Variants in PHACTR2 observed in about 807,000 individuals in gnomAD.
PHACTR2 encodes phosphatase and actin regulator 2.
Under a neutral mutation model 76.0 loss-of-function variants are expected in PHACTR2, and 30 were observed. That is an observed-to-expected ratio of 0.39 (90% CI 0.30 to 0.54). The LOEUF (loss-of-function observed/expected upper bound fraction) is 0.54, where lower values mean the gene tolerates loss of function less well. Among genes scored for constraint, PHACTR2 ranks in the 20% least tolerant of loss-of-function variants. PHACTR2 has a pLI of 0.61. For synonymous variants in PHACTR2, 292 were observed against 292.5 expected, an observed-to-expected ratio of 1.00 and a Z score of 0.02; for missense variants, 696 against 781.1, an observed-to-expected ratio of 0.89 and a Z score of 1.30.
chr6:143,601,755 G>A (rs1440044092), intron 1 of PHACTR2, among the ~76,000 whole-genome samples: 1 of 152,102 alleles, frequency 6.6e-6, no homozygotes, highest in African/African-American at 2.4e-5. Flanking sequence ...CTTCTGCATT[G>A]TTACTGTAAG....
rs1416902125 is a variant in PHACTR2 at position 143,553,213 on chromosome 6, G to C, written c.217+16006G>C. Among the ~76,000 whole-genome samples the C allele has an allele frequency of 6.6e-6, 1 of 152,150 alleles. No homozygotes were observed. Among genetic ancestry groups the C allele is most frequent in the Non-Finnish European group, 1.5e-5 (1 of 68,022 alleles). On this transcript the variant is annotated intron_variant, in intron 1 of 11. Coordinates refer to the PHACTR2 transcript ENST00000367584. This position sits in a 1 kb window ranked among gnomAD's most constrained non-coding sequence, Gnocchi z 4.2. ...CTCATAGAGACTGCAGTATAGTGAG[G>C]GTGTCAAAGATAAAGCTGGAAACTA...
Position 143,671,470 on chromosome 6 carries a change from A to G in PHACTR2, c.14-40546A>G, listed in dbSNP as rs1777153097. On this transcript the variant is annotated intron_variant, in intron 1 of 11. Coordinates refer to the PHACTR2 transcript ENST00000305766. This position sits in a 1 kb window ranked among gnomAD's most constrained non-coding sequence, Gnocchi z 4.6. ...TTGCTTAAACATTATCTTCTCAGTG[A>G]GGACAACTGTGAACACCACATGCCA... 6.6e-6 allele frequency among the ~76,000 whole-genome samples: 1 copy of G among 152,202 alleles called. No homozygotes were observed. The highest frequency in any genetic ancestry group is 2.4e-5 in the African/African-American group (1 of 41,462).
rs542691883 is a variant in PHACTR2, at chr6:143,826,326, C to T, written c.*2637C>T. The T allele has an allele frequency of 6.6e-6, 1 of 152,248 alleles. No homozygotes were observed. The highest frequency in any genetic ancestry group is 1.5e-5 in the Non-Finnish European group (1 of 68,068). 9.4% of individuals were successfully genotyped at this position (152,248 alleles called of 1,614,324 possible). A position where few individuals can be genotyped will look rare whatever the true frequency, so the allele number is the denominator to read the frequency against. ...TCCGTGCATAGGCACCTCTGTCCACCACCAGCGTTTCAGCAATCCAACCAG... is the reference window on the plus strand; with the variant it reads ...TCCGTGCATAGGCACCTCTGTCCACTACCAGCGTTTCAGCAATCCAACCAG... On this transcript the variant is annotated 3_prime_UTR_variant, in exon 13 of 13. Transcript: ENST00000440869.
chr6:143,826,088 A>G lies in PHACTR2; in HGVS notation c.*2399A>G, dbSNP rs1352853180. 1.3e-5 allele frequency: 2 copies of G among 152,154 alleles called. No individual in the cohort carries two copies. The highest frequency in any genetic ancestry group is 1.5e-5 in the Non-Finnish European group (1 of 68,030). The allele number at this position is 152,154 out of a possible 1,614,324, so 9.4% of individuals were successfully genotyped here. ...AAAAAAAATTAGCCACTGCTAGTCT[A>G]CTGTTTAGGTAATCGGAATCACCAA... On this transcript the variant is annotated 3_prime_UTR_variant, in exon 13 of 13. Transcript: ENST00000440869.
At chr6:143,741,116 C>T (rs1357392677) in intron 2 of PHACTR2, among the ~76,000 whole-genome samples, 2 of 149,652 alleles carry the variant, frequency 1.3e-5, no homozygotes, top group Admixed American at 6.6e-5. Flanking sequence ...GGCATGGTGG[C>T]GCATGCCTGT....
rs537378119 is a variant in PHACTR2 at position 143,745,909 on chromosome 6, A to G, written c.215-3076A>G. ...CAAGGCTGCTGCTTCAAAGCTCCAG[A>G]GTTTACAAGGAAGAAAGAGGGGGAA... On this transcript the variant is annotated intron_variant, in intron 2 of 12. Coordinates refer to ENST00000440869, the MANE Select transcript of PHACTR2 (RefSeq NM_001100164.2). Among the ~76,000 whole-genome samples the G allele has an allele frequency of 5.3e-5, 8 of 152,336 alleles. No homozygotes were observed. In the East Asian group the frequency reaches 1.5e-3, roughly 29 times the overall value.
rs1776289814 is a variant in PHACTR2, at chr6:143,627,983, G to A, written c.13+19661G>A. Among the ~76,000 whole-genome samples the A allele has an allele frequency of 6.6e-6, 1 of 152,034 alleles. No homozygotes were observed. The highest frequency in any genetic ancestry group is 6.6e-5 in the Admixed American group (1 of 15,252). ...CCCAGACTCTTGCAAACACCAGTCTGCTTTCTATCTCTATTGATTTACCTA... is the reference window on the plus strand; with the variant it reads ...CCCAGACTCTTGCAAACACCAGTCTACTTTCTATCTCTATTGATTTACCTA... On this transcript the variant is annotated intron_variant, in intron 1 of 11. Transcript: ENST00000305766. The surrounding 1 kb of genome is among the most constrained non-coding windows in gnomAD (Gnocchi z 4.3).
chr6:143,712,753 T>A (rs909327968), intron 2 of PHACTR2, among the ~76,000 whole-genome samples: 2 of 152,344 alleles, frequency 1.3e-5, no homozygotes, highest in African/African-American at 4.8e-5. Context: ...TAGATTTCTA[T>A]CATATCCTTA....
At position 143,806,905 on chromosome 6, in the gene PHACTR2, C is replaced by T; in HGVS notation, c.1846-152C>T. The T allele has an allele frequency of 2.0e-6, 1 of 496,104 alleles. No homozygotes were observed. 30.7% of individuals were successfully genotyped at this position (496,104 alleles called of 1,614,324 possible). On this transcript the variant is annotated intron_variant, in intron 11 of 12. Coordinates refer to ENST00000440869, the MANE Select transcript of PHACTR2 (RefSeq NM_001100164.2). The surrounding 1 kb of genome is among the most constrained non-coding windows in gnomAD (Gnocchi z 5.8). ...CCAGGAGTTTGAGGCTGCAATGAGCCATGATCTCGCCACTCCACTCCAGCT... is the reference window on the plus strand; with the variant it reads ...CCAGGAGTTTGAGGCTGCAATGAGCTATGATCTCGCCACTCCACTCCAGCT...
In PHACTR2 at chr6:143,709,722, G is replaced by A. The variant is rs1323459329; in HGVS notation, c.47-2294G>A. Reference sequence around the variant, plus strand: ...ACAGGTAGAATTTCCAGATCCCCATGTGGTCTCCCTTGATACCACAGTTGG... The same window carrying A: ...ACAGGTAGAATTTCCAGATCCCCATATGGTCTCCCTTGATACCACAGTTGG... On this transcript the variant is annotated intron_variant, in intron 1 of 12. Transcript: ENST00000440869. The surrounding 1 kb of genome is among the most constrained non-coding windows in gnomAD (Gnocchi z 4.4). 2.6e-5 allele frequency among the ~76,000 whole-genome samples: 4 copies of A among 152,104 alleles called. No homozygotes were observed. The highest frequency in any genetic ancestry group is 7.2e-5 in the African/African-American group (3 of 41,408).
rs1776625916 is a variant in PHACTR2 at position 143,829,894 on chromosome 6, A to C, written c.*6205A>C. ...TTTTTTTTAAGAATAAATTGTAAGG[A>C]GCAAATAAGGCAGAATGCCACTCTA... On this transcript the variant is annotated 3_prime_UTR_variant, in exon 13 of 13. Coordinates refer to ENST00000440869, the MANE Select transcript of PHACTR2 (RefSeq NM_001100164.2). 1 of 152,138 alleles carries C rather than the reference A, an allele frequency of 6.6e-6. No individual in the cohort carries two copies. Among genetic ancestry groups the C allele is most frequent in the Non-Finnish European group, 1.5e-5 (1 of 68,034 alleles). 9.4% of individuals were successfully genotyped at this position (152,138 alleles called of 1,614,324 possible).
intron 1 of PHACTR2, among the ~76,000 whole-genome samples, chr6:143,638,982 A>G (rs1776517904): frequency 6.6e-6 from 1 of 152,252 alleles, no homozygotes; most frequent in Non-Finnish European, 1.5e-5. Flanking sequence ...CCCCAAAACT[A>G]TGAATGACAT....
Position 143,811,064 on chromosome 6 carries a change from C to T in PHACTR2, c.1922+3931C>T, listed in dbSNP as rs530978770. On this transcript the variant is annotated intron_variant, in intron 12 of 12. Coordinates refer to ENST00000440869, the MANE Select transcript of PHACTR2 (RefSeq NM_001100164.2). The surrounding 1 kb of genome is among the most constrained non-coding windows in gnomAD (Gnocchi z 4.1). ...ACTTCATTGTTTTGTGTCTTATGGA[C>T]GGAGGCCAAGAGTATAAAACTATTA... Among the ~76,000 whole-genome samples, 13 of 152,208 alleles carry T rather than the reference C, an allele frequency of 8.5e-5. No individual in the cohort carries two copies. Among genetic ancestry groups the T allele is most frequent in the East Asian group, 1.9e-4 (1 of 5,182 alleles).
chr6:143,607,102 A>G (rs1192678246), upstream of PHACTR2, among the ~76,000 whole-genome samples: 1 of 152,246 alleles, frequency 6.6e-6, no homozygotes, highest in Non-Finnish European at 1.5e-5. Context: ...CCAATGGCAT[A>G]AAGAAATGCT....
At chr6:143,746,623 G>A (rs1003385388) in intron 2 of PHACTR2, among the ~76,000 whole-genome samples, 15 of 152,126 alleles carry the variant, frequency 9.9e-5, no homozygotes, top group African/African-American at 3.6e-4. Context: ...GCCCAGTCAA[G>A]CATGAATGGG....
intron 1 of PHACTR2, among the ~76,000 whole-genome samples, chr6:143,669,867 T>C (rs953880904): frequency 3.3e-5 from 5 of 152,350 alleles, no homozygotes; most frequent in Admixed American, 1.3e-4. Flanking sequence ...GTTAATATTG[T>C]TATGTGTGAA....
Position 143,753,685 on chromosome 6 carries a change from A to T in PHACTR2, c.296-69A>T. The T allele has an allele frequency of 1.8e-6, 2 of 1,101,940 alleles. No homozygotes were observed. The highest frequency in any genetic ancestry group is 4.8e-5 in the East Asian group (2 of 41,372). The allele number at this position is 1,101,940 out of a possible 1,614,324, so 68.3% of individuals were successfully genotyped here. On this transcript the variant is annotated intron_variant, in intron 3 of 12. Transcript: ENST00000440869. This position sits in a 1 kb window ranked among gnomAD's most constrained non-coding sequence, Gnocchi z 4.6. Reference sequence around the variant, plus strand: ...ACATGAATCTAAATTTTACAATCCTAGTAACTGGAAAACTTGTTTTTAAGA... The same window carrying T: ...ACATGAATCTAAATTTTACAATCCTTGTAACTGGAAAACTTGTTTTTAAGA...
intron 11 of PHACTR2, among the ~76,000 whole-genome samples, chr6:143,796,613 A>G (rs972560523): frequency 7.0e-6 from 1 of 143,404 alleles, no homozygotes; most frequent in Non-Finnish European, 1.5e-5. Flanking sequence ...CCCTGTGTCC[A>G]TGTGTTCTTA....
intron 2 of PHACTR2, among the ~76,000 whole-genome samples, chr6:143,719,629 C>G (rs113096766): frequency 0.016 from 2,411 of 149,408 alleles, 28 homozygotes; most frequent in Non-Finnish European, 0.025. Context: ...GGATTACAGG[C>G]GTGAGCAACC....
Sources: allele counts gnomAD v4.1 joint callset (sites outside exome capture counted in the v4.1 genomes callset), GRCh38; gene constraint gnomAD v4.1.1; non-coding constraint Gnocchi (gnomAD v3.1); transcripts MANE v1.5; gene names NCBI Gene and HGNC (gene_info 2026-07-23, HGNC 2026-07-21).